The following ALOX5 variants were observed in gnomAD, a reference collection of about 807,000 sequenced individuals.
ALOX5 encodes polyunsaturated fatty acid 5-lipoxygenase.
ALOX5 carries 64 observed loss-of-function variants against 87.9 expected under a neutral mutation model. That is an observed-to-expected ratio of 0.73 (90% CI 0.60 to 0.90). The LOEUF is 0.90. ALOX5 is among the 40% of genes least tolerant of loss of function. The pLI, the probability that ALOX5 is intolerant of heterozygous loss-of-function variation, is 0.00. For synonymous variants in ALOX5, 388 were observed against 355.1 expected, an observed-to-expected ratio of 1.09 and a Z score of -1.04; for missense variants, 822 against 907.5, an observed-to-expected ratio of 0.91 and a Z score of 1.21.
At chr10:45,423,975 G>A (rs1841598603) in intron 4 of ALOX5, 66 bp from the exon 5 acceptor site, 3 of 1,305,942 alleles carry the variant, frequency 2.3e-6, no homozygotes, top group South Asian at 1.2e-5. Flanking sequence ...AGAGCTTGGT[G>A]TGAAGGGGCT....
chr10:45,405,643 C>T (rs1461643595), intron 3 of ALOX5, among the ~76,000 whole-genome samples: 6 of 152,176 alleles, frequency 3.9e-5, no homozygotes, highest in African/African-American at 1.4e-4. Flanking sequence ...CTTAAGAAAA[C>T]CCTTTCCATC....
intron 1 of ALOX5, among the ~76,000 whole-genome samples, chr10:45,375,324 T>C (rs1428154244): frequency 1.3e-5 from 2 of 152,138 alleles, no homozygotes; most frequent in South Asian, 4.1e-4. Context: ...TCCATGAGCA[T>C]GGGCAGGTCG....
chr10:45,383,213 C>T lies in ALOX5; in HGVS notation c.349+532C>T, dbSNP rs184119624. Among the ~76,000 whole-genome samples the T allele has an allele frequency of 8.9e-4, 135 of 152,378 alleles. 1 individual carries two copies. In the Middle Eastern group the frequency reaches 0.01, roughly 12 times the overall value. On this transcript the variant is annotated intron_variant, in intron 2 of 13. Transcript: ENST00000374391. ...AATCACAGTTACCAGTTCTTCAACC[C>T]GAAGTCTCACCTTTCGCTGAAAGAA...
chr10:45,439,525 C>T (rs1842160365), intron 7 of ALOX5, among the ~76,000 whole-genome samples: 1 of 152,176 alleles, frequency 6.6e-6, no homozygotes, highest in Non-Finnish European at 1.5e-5. Flanking sequence ...TGCCGGCTCC[C>T]GTGAGAACTC....
chr10:45,429,325 A>T (rs1162992565), intron 7 of ALOX5, among the ~76,000 whole-genome samples: 1 of 152,202 alleles, frequency 6.6e-6, no homozygotes, highest in East Asian at 1.9e-4. Context: ...CAAGGCCAGG[A>T]CTGGACTGGG....
In ALOX5 at chr10:45,382,571, A is replaced by C; in HGVS notation, c.239A>C (p.Asp80Ala). ...IEKRKYWLND[D>A]WYLKYITLKT... is the part of the protein sequence containing the mutation. ...AAGCGCAAGTACTGGCTGAATGACGACTGGTACCTGAAGTACATCACGCTG... is the reference window on the plus strand; with the variant it reads ...AAGCGCAAGTACTGGCTGAATGACGCCTGGTACCTGAAGTACATCACGCTG... Residue 80 changes from aspartate to alanine, a missense_variant, in exon 2 of 14, where the codon GAC becomes GCC. Physicochemically the swap from Asp to Ala is moderately radical, Grantham distance 126. Coordinates refer to ENST00000374391, the MANE Select transcript of ALOX5 (RefSeq NM_000698.5). The C allele has an allele frequency of 6.2e-7, 1 of 1,614,180 alleles. No individual in the cohort carries two copies. The highest frequency in any genetic ancestry group is 8.5e-7 in the Non-Finnish European group (1 of 1,180,042).
chr10:45,443,712 G>T lies in ALOX5; in HGVS notation c.1574-16G>T, dbSNP rs28395871. ...CTCAGGGACTGGGCCTCAGCCCGCC[G>T]GTGGTTCCACCCTAGGCTTCCCCAA... On this transcript the variant is annotated splice_polypyrimidine_tract_variant and intron_variant, in intron 11 of 13. Coordinates refer to ENST00000374391, the MANE Select transcript of ALOX5 (RefSeq NM_000698.5). 1.3e-4 allele frequency: 210 copies of T among 1,608,582 alleles called. No homozygotes were observed. In the African/African-American group the frequency reaches 2.4e-3, roughly 18 times the overall value.
intron 2 of ALOX5, among the ~76,000 whole-genome samples, chr10:45,389,481 T>C (rs1424719325): frequency 6.6e-6 from 1 of 152,160 alleles, no homozygotes; most frequent in African/African-American, 2.4e-5. Context: ...CCCATCAGAC[T>C]AACAGCTGAT....
intron 3 of ALOX5, among the ~76,000 whole-genome samples, chr10:45,396,689 T>C (rs368696459): frequency 1.3e-5 from 2 of 152,224 alleles, no homozygotes; most frequent in South Asian, 2.1e-4. Context: ...ATAAACTCTT[T>C]TAAGAAATAG....
chr10:45,410,744 A>T (rs1841035962), intron 3 of ALOX5, among the ~76,000 whole-genome samples: 1 of 152,254 alleles, frequency 6.6e-6, no homozygotes, highest in South Asian at 2.1e-4. Context: ...TGGTTTTTAA[A>T]CAAACACAAA....
Position 45,395,842 on chromosome 10 carries a change from T to G in ALOX5, c.350-13T>G, listed in dbSNP as rs1300271471. ...CTTCCTCAGGCTCCTCTCATGTTGT[T>G]CTTTCTTTACAGCAAAGTTGGCCCG... is the stretch of plus-strand genomic sequence containing the variant. On this transcript the variant is annotated splice_polypyrimidine_tract_variant and intron_variant, in intron 2 of 13. Transcript: ENST00000374391. 2.5e-6 allele frequency: 4 copies of G among 1,613,558 alleles called. No homozygotes were observed. Among genetic ancestry groups the G allele is most frequent in the African/African-American group, 2.7e-5 (2 of 74,930 alleles).
chr10:45,383,807 C>G (rs940378833), intron 2 of ALOX5, among the ~76,000 whole-genome samples: 1 of 152,080 alleles, frequency 6.6e-6, no homozygotes, highest in African/African-American at 2.4e-5. Flanking sequence ...TTTTTGTCCC[C>G]CTACCTAATG....
intron 4 of ALOX5, 98 bp from the exon 5 acceptor site, chr10:45,423,943 G>A: frequency 1.1e-6 from 1 of 906,656 alleles, no homozygotes; most frequent in East Asian, 2.4e-5. Flanking sequence ...CCTGGAGGGG[G>A]CGGGGGTTGT....
At chr10:45,398,109 AG>A (rs1564422524) in intron 3 of ALOX5, among the ~76,000 whole-genome samples, 1 of 152,386 alleles carries the variant, frequency 6.6e-6, no homozygotes, top group East Asian at 1.9e-4. Context: ...ACACAGCTAT[AG>A]TATTCAAGAC....
chr10:45,405,326 AT>A, intron 3 of ALOX5, among the ~76,000 whole-genome samples: 2 of 152,152 alleles, frequency 1.3e-5, no homozygotes. Context: ...CCATCCATAC[AT>A]TTGTCAGTAC....
chr10:45,391,738 T>C (rs1840269252), intron 2 of ALOX5, among the ~76,000 whole-genome samples: 1 of 150,274 alleles, frequency 6.7e-6, no homozygotes, highest in Non-Finnish European at 1.5e-5. Flanking sequence ...GGAGCACCAC[T>C]GCCCCACCAC....
At chr10:45,412,093 C>G in intron 3 of ALOX5, 98 bp from the exon 4 acceptor site, 1 of 1,532,158 alleles carries the variant, frequency 6.5e-7, no homozygotes, top group East Asian at 2.2e-5. Context: ...CATCAATCTC[C>G]CTGTGTAACA....
At chr10:45,428,280 T>TAAAAA in intron 6 of ALOX5, 3 of 340,950 alleles carry the variant, frequency 8.8e-6, no homozygotes, top group Non-Finnish European at 1.1e-5. Context: ...TTTTGGCATT[T>TAAAAA]AACTCGTCAC....
At chr10:45,409,908 C>G (rs1237809494) in intron 3 of ALOX5, among the ~76,000 whole-genome samples, 1 of 152,270 alleles carries the variant, frequency 6.6e-6, no homozygotes. Context: ...AGGCCATCAT[C>G]TTCTAACCAC....
Sources: gnomAD v4.1 joint callset for allele counts (sites outside exome capture counted in the v4.1 genomes callset) on GRCh38, gnomAD v4.1.1 for gene constraint, MANE v1.5 for transcripts, NCBI Gene and HGNC (gene_info 2026-07-23, HGNC 2026-07-21) for gene names.